GIGYF2: variants seen among roughly 807,000 people sequenced by gnomAD.
The protein encoded by GIGYF2 is GRB10 interacting GYF protein 2, also known as GRB10-interacting GYF protein 2.
A neutral mutation model predicts 208.1 loss-of-function variants in GIGYF2; 25 were observed. The ratio of observed to expected loss-of-function variants is 0.12; its 90% confidence interval spans 0.09 to 0.17. The LOEUF (loss-of-function observed/expected upper bound fraction) is 0.17. GIGYF2 is among the 10% of genes least tolerant of loss of function. The probability of loss-of-function intolerance (pLI) is 1.00; values close to 1 mark genes in which losing one functional copy is unlikely to be tolerated. For missense variants in GIGYF2, 1,302 were observed against 1,579.4 expected (o/e 0.82, Z 2.98); for synonymous variants, 534 against 543.8 (o/e 0.98, Z 0.25).
Position 232,809,793 on chromosome 2 carries a change from AC to A in GIGYF2, c.1882del (p.Gln628SerfsTer4). 1 of 1,596,354 alleles carries A rather than the reference AC, an allele frequency of 6.3e-7. No homozygotes were observed. The highest frequency in any genetic ancestry group is 8.6e-7 in the Non-Finnish European group (1 of 1,163,734). On this transcript the variant is annotated frameshift_variant, in exon 16 of 29. Transcript: ENST00000373563. LOFTEE classifies it high-confidence loss of function. ...TTATACCAGATGCAGCACCTGCAGT[AC>A]CAGCAGTTTTTAATACAGTAAGAAG... ...TALYQMQHLQ[Y>X]QQFLIQQQYA...
In GIGYF2 at chr2:232,858,716, C is replaced by G; in HGVS notation, c.*1856C>G. ...GGTACCATGGAAAAGCTCCAAGCAC[C>G]CAAGACATGGAGGCAGCCATGGCTT... On this transcript the variant is annotated 3_prime_UTR_variant, in exon 29 of 29. Transcript: ENST00000373563. 1 of 357,398 alleles carries G rather than the reference C, an allele frequency of 2.8e-6. No homozygotes were observed. The highest frequency in any genetic ancestry group is 5.4e-6 in the Non-Finnish European group (1 of 183,492). The allele number at this position is 357,398 out of a possible 1,614,324, so 22.1% of individuals were successfully genotyped here.
At chr2:232,746,741 C>T (rs1698165496) in intron 3 of GIGYF2, among the ~76,000 whole-genome samples, 1 of 152,000 alleles carries the variant, frequency 6.6e-6, no homozygotes, top group African/African-American at 2.4e-5. Context: ...TTGTACTTTA[C>T]TGCATTTTCA....
chr2:232,724,313 C>T (rs1697092198), intron 2 of GIGYF2, among the ~76,000 whole-genome samples: 1 of 151,268 alleles, frequency 6.6e-6, no homozygotes, highest in Admixed American at 6.6e-5. Flanking sequence ...CCATCTTGGC[C>T]TCCTAACGTG....
intron 3 of GIGYF2, chr2:232,736,599 A>T (rs1208337534): frequency 2.0e-5 from 3 of 152,222 alleles, no homozygotes; most frequent in Non-Finnish European, 2.9e-5. Context: ...TCTAGATGTG[A>T]CATATAGAAG....
chr2:232,740,305 C>G (rs1444395364), intron 3 of GIGYF2, among the ~76,000 whole-genome samples: 1 of 151,952 alleles, frequency 6.6e-6, no homozygotes, highest in Non-Finnish European at 1.5e-5. Flanking sequence ...AAACAAAAAA[C>G]AAAAAGAAGA....
chr2:232,843,919 G>T, intron 23 of GIGYF2, 127 bp from the exon 24 acceptor site: 1 of 812,618 alleles, frequency 1.2e-6, no homozygotes, highest in South Asian at 1.5e-5. Flanking sequence ...TGCAACAGCA[G>T]AATTTAATCC....
In GIGYF2 at chr2:232,844,196, C is replaced by G. The variant is rs1192831126; in HGVS notation, c.3040C>G (p.Gln1014Glu). Residue 1014 changes from glutamine (Q) to glutamate (E), a missense_variant, in exon 24 of 29, where the codon CAA becomes GAA. Physicochemically the swap from Gln to Glu is conservative, Grantham distance 29. This residue lies in a region of GIGYF2 where 701 missense variants were observed against 793.0 expected (regional missense o/e 0.88). Coordinates refer to ENST00000373563, the MANE Select transcript of GIGYF2 (RefSeq NM_001103146.3). ...CCAGCAGGAAGAGGCCAGGCAAATG[C>G]AAAAGCAGCAGCAGCAGCAGCAGCA... ...EIQQEEARQM[Q>E]KQQQQQQQHQ... 6.4e-7 allele frequency: 1 copy of G among 1,561,330 alleles called. No homozygotes were observed. Among genetic ancestry groups the G allele is most frequent in the Non-Finnish European group, 8.7e-7 (1 of 1,151,672 alleles).
At position 232,844,410 on chromosome 2, in the gene GIGYF2, C is replaced by T; in HGVS notation, c.3141C>T (p.Gly1047=). ...CCAGCATTGGGAATTCTGTTTGGGGCTCTATAAATACTGGTCCTCCTAACC... is the reference window on the plus strand; with the variant it reads ...CCAGCATTGGGAATTCTGTTTGGGGTTCTATAAATACTGGTCCTCCTAACC... ...LHTSIGNSVW[G]SINTGPPNQW... Residue 1047 remains glycine (G), a synonymous_variant, in exon 25 of 29, where the codon GGC becomes GGT. Coordinates refer to ENST00000373563, the MANE Select transcript of GIGYF2 (RefSeq NM_001103146.3). The T allele has an allele frequency of 6.2e-7, 1 of 1,613,584 alleles. No individual in the cohort carries two copies. The highest frequency in any genetic ancestry group is 8.5e-7 in the Non-Finnish European group (1 of 1,179,506).
intron 15 of GIGYF2, among the ~76,000 whole-genome samples, chr2:232,808,738 C>A (rs554344525): frequency 1.3e-5 from 2 of 152,158 alleles, no homozygotes; most frequent in African/African-American, 4.8e-5. Flanking sequence ...TTATCTTATA[C>A]TTCATGTTTC....
chr2:232,724,207 A>ATTTTTTTTTT (rs1163865821), intron 2 of GIGYF2, among the ~76,000 whole-genome samples: 1,682 of 113,864 alleles, frequency 0.015, no homozygotes, highest in South Asian at 0.019. Context: ...ACACCTGGCT[A>ATTTTTTTTTT]TTTTTTTTTT....
intron 25 of GIGYF2, among the ~76,000 whole-genome samples, chr2:232,845,458 A>C (rs1452679245): frequency 1.3e-5 from 2 of 152,198 alleles, no homozygotes; most frequent in Non-Finnish European, 2.9e-5. Flanking sequence ...GGCTTAGTAA[A>C]ATTAAACAAC....
chr2:232,781,543 T>C (rs182417376), intron 8 of GIGYF2, among the ~76,000 whole-genome samples: 298 of 152,354 alleles, frequency 2.0e-3, no homozygotes, highest in African/African-American at 6.9e-3. Flanking sequence ...AATTTTTATA[T>C]TGAAGAAGTT....
chr2:232,856,900 G>A lies in GIGYF2; in HGVS notation c.*40G>A, dbSNP rs559002888. 8 of 1,333,730 alleles carry A rather than the reference G, an allele frequency of 6.0e-6. No individual in the cohort carries two copies. The highest frequency in any genetic ancestry group is 5.8e-5 in the South Asian group (5 of 85,472). The allele number at this position is 1,333,730 out of a possible 1,614,324, so 82.6% of individuals were successfully genotyped here. ...ACTGGCCATCCCTCTCCTGTCTGCC[G>A]ACTATGGAGTCTCCACCTTTGGACA... is the stretch of plus-strand genomic sequence containing the variant. On this transcript the variant is annotated 3_prime_UTR_variant, in exon 29 of 29. Coordinates refer to ENST00000373563, the MANE Select transcript of GIGYF2 (RefSeq NM_001103146.3).
chr2:232,757,131 T>G (rs958900575), intron 6 of GIGYF2, among the ~76,000 whole-genome samples: 2 of 152,160 alleles, frequency 1.3e-5, no homozygotes. Context: ...GGCATGATCA[T>G]GAGTATAGAG....
intron 8 of GIGYF2, chr2:232,765,633 C>G (rs141755076): frequency 5.0e-4 from 90 of 179,212 alleles, no homozygotes; most frequent in African/African-American, 2.0e-3. Context: ...TGGTGCCCAT[C>G]TTATGGTATG....
At chr2:232,851,286 G>A (rs1042637242) in intron 28 of GIGYF2, among the ~76,000 whole-genome samples, 2 of 152,154 alleles carry the variant, frequency 1.3e-5, no homozygotes, top group African/African-American at 2.4e-5. Flanking sequence ...CTGCACTCTA[G>A]CTTCTCTGAA....
Position 232,747,745 on chromosome 2 carries a change from G to GT in GIGYF2, c.171+2dup. 6.2e-7 allele frequency: 1 copy of GT among 1,613,230 alleles called. No homozygotes were observed. Among genetic ancestry groups the GT allele is most frequent in the Non-Finnish European group, 8.5e-7 (1 of 1,179,514 alleles). ...AGCACTTTTCCTTAAAGACAACAAG[G>GT]TAAGAAAGTAGGAAAAGAGTTCAAA... On this transcript the variant is annotated splice_donor_variant, in intron 4 of 28. Coordinates refer to ENST00000373563, the MANE Select transcript of GIGYF2 (RefSeq NM_001103146.3). LOFTEE classifies it high-confidence loss of function.
At chr2:232,710,927 C>T (rs1696365756) in intron 2 of GIGYF2, among the ~76,000 whole-genome samples, 1 of 151,830 alleles carries the variant, frequency 6.6e-6, no homozygotes, top group Non-Finnish European at 1.5e-5. Context: ...TCTCGAACTC[C>T]TGACCTCAGG....
intron 8 of GIGYF2, among the ~76,000 whole-genome samples, chr2:232,764,227 C>T (rs12463466): frequency 0.087 from 13,224 of 152,246 alleles, 797 homozygotes; most frequent in South Asian, 0.27. Flanking sequence ...TAAGGAGTGG[C>T]TGCATGTAAA....
Sources: gnomAD v4.1 joint callset for allele counts (sites outside exome capture counted in the v4.1 genomes callset) on GRCh38, gnomAD v4.1.1 for gene constraint, gnomAD v4.1.1 regional missense constraint, MANE v1.5 for transcripts, NCBI Gene and HGNC (gene_info 2026-07-23, HGNC 2026-07-21) for gene names.